The following NBEA variants were observed in gnomAD, a reference collection of about 807,000 sequenced individuals.
The protein encoded by NBEA is neurobeachin.
A neutral mutation model predicts 343.4 loss-of-function variants in NBEA; 44 were observed. The observed-to-expected ratio is 0.13, with a 90% CI of 0.10 to 0.16. NBEA has a LOEUF of 0.16. Ranked by LOEUF, NBEA falls within the 10% of genes least tolerant of loss-of-function variation. The pLI, the probability that NBEA is intolerant of heterozygous loss-of-function variation, is 1.00. For synonymous variants in NBEA, 1,175 were observed against 1,238.7 expected, an observed-to-expected ratio of 0.95 and a Z score of 1.08; for missense variants, 2,555 against 3,631.3, an observed-to-expected ratio of 0.70 and a Z score of 7.62.
chr13:35,293,106 A>T (rs1334270093), intron 35 of NBEA, among the ~76,000 whole-genome samples: 1 of 152,092 alleles, frequency 6.6e-6, no homozygotes, highest in African/African-American at 2.4e-5. Flanking sequence ...TAAACTTACT[A>T]TTCCTAATAG....
chr13:35,551,211 A>T (rs2079308658), intron 43 of NBEA, among the ~76,000 whole-genome samples, 179 bp downstream of exon 43: 1 of 152,142 alleles, frequency 6.6e-6, no homozygotes, highest in Non-Finnish European at 1.5e-5. Flanking sequence ...GAATGACAGA[A>T]TGGTTAGGGC....
intron 38 of NBEA, among the ~76,000 whole-genome samples, chr13:35,396,501 A>T (rs569998034): frequency 6.6e-6 from 1 of 152,200 alleles, no homozygotes; most frequent in Non-Finnish European, 1.5e-5. Flanking sequence ...TTCAGTTTAC[A>T]TAGAGTTAAT....
chr13:35,365,038 T>C (rs1186601323), intron 38 of NBEA, among the ~76,000 whole-genome samples: 1 of 151,718 alleles, frequency 6.6e-6, no homozygotes, highest in Admixed American at 6.6e-5. Flanking sequence ...TCAATAATGA[T>C]TGGATGGGTC....
rs950706799 is a variant in NBEA, at chr13:35,168,987, G to A, written c.4234G>A (p.Gly1412Ser). 13 of 1,488,186 alleles carry A rather than the reference G, an allele frequency of 8.7e-6. No individual in the cohort carries two copies. Among genetic ancestry groups the A allele is most frequent in the Admixed American group, 8.1e-5 (4 of 49,226 alleles). 92.2% of individuals were successfully genotyped at this position (1,488,186 alleles called of 1,614,324 possible). A position where few individuals can be genotyped will look rare whatever the true frequency, so the allele number is the denominator to read the frequency against. Residue 1412 changes from glycine (G) to serine (S), a missense_variant and splice_region_variant, in exon 25 of 59, where the codon GGT becomes AGT. Physicochemically the swap from Gly to Ser is moderately conservative, Grantham distance 56 (BLOSUM62 0). Coordinates refer to ENST00000379939, the MANE Select transcript of NBEA (RefSeq NM_001385012.1). The part of the protein sequence containing the change: ...PLLSAATSPT[G>S]SKTELENIEV... ...TCTGTTTTGTCTAATGCATGTCCAG[G>A]GTTCTAAGGTTAGTATTACTTTTGT... is the stretch of plus-strand genomic sequence containing the variant.
At position 35,222,786 on chromosome 13, in the gene NBEA, C is replaced by T. The variant is rs887589783; in HGVS notation, c.5649-9706C>T. 4.6e-5 allele frequency among the ~76,000 whole-genome samples: 7 copies of T among 152,132 alleles called. No homozygotes were observed. In the East Asian group the frequency reaches 1.3e-3, roughly 29 times the overall value. On this transcript the variant is annotated intron_variant, in intron 33 of 58. Transcript: ENST00000379939. Reference sequence around the variant, plus strand: ...CAGTTTACTCCTAATTCCTCTTTCACATCCTTAGTGTTAATGTTGTCATAC... The same window carrying T: ...CAGTTTACTCCTAATTCCTCTTTCATATCCTTAGTGTTAATGTTGTCATAC...
At chr13:35,493,069 CTA>C (rs1362310799) in intron 41 of NBEA, among the ~76,000 whole-genome samples, 4 of 151,792 alleles carry the variant, frequency 2.6e-5, no homozygotes, top group African/African-American at 9.7e-5. Context: ...AATAGATTGT[CTA>C]TATGAATACT....
At chr13:35,289,082 A>G (rs2035627988) in intron 34 of NBEA, among the ~76,000 whole-genome samples, 1 of 151,924 alleles carries the variant, frequency 6.6e-6, no homozygotes, top group Admixed American at 6.6e-5. Flanking sequence ...AAATGGGCAC[A>G]AAAGAGTATT....
rs934396139 is a variant in NBEA at position 35,481,057 on chromosome 13, C to G, written c.6585+8521C>G. ...TCTTCAACTAGAACATTTTGAGAATCGTGGTTAATTTTTTAGAATTGTTTA... is the reference window on the plus strand; with the variant it reads ...TCTTCAACTAGAACATTTTGAGAATGGTGGTTAATTTTTTAGAATTGTTTA... On this transcript the variant is annotated intron_variant, in intron 41 of 58. Transcript: ENST00000379939. Among the ~76,000 whole-genome samples, 10 of 152,028 alleles carry G rather than the reference C, an allele frequency of 6.6e-5. No homozygotes were observed. The South Asian group carries it at 1.7e-3, about 25-fold the overall frequency.
chr13:35,464,990 A>G (rs2047093043), intron 40 of NBEA, among the ~76,000 whole-genome samples: 1 of 152,206 alleles, frequency 6.6e-6, no homozygotes, highest in East Asian at 1.9e-4. Context: ...GTTATACACT[A>G]GGAAAAATAC....
intron 17 of NBEA, among the ~76,000 whole-genome samples, chr13:35,126,224 G>C (rs1331689156): frequency 1.3e-5 from 2 of 152,082 alleles, no homozygotes; most frequent in African/African-American, 4.8e-5. Flanking sequence ...CCATCTTCCT[G>C]CCCTGTGAAG....
intron 41 of NBEA, among the ~76,000 whole-genome samples, chr13:35,516,329 A>T (rs530338778): frequency 6.6e-6 from 1 of 152,200 alleles, no homozygotes; most frequent in African/African-American, 2.4e-5. Context: ...TGTAATGTGT[A>T]TCATACACAG....
chr13:35,328,982 T>A (rs2038762697), intron 36 of NBEA, among the ~76,000 whole-genome samples: 1 of 151,778 alleles, frequency 6.6e-6, no homozygotes, highest in Non-Finnish European at 1.5e-5. Flanking sequence ...AAATAGAGAA[T>A]CCAGACCTTA....
chr13:35,163,943 A>G (rs1306584929), intron 23 of NBEA, among the ~76,000 whole-genome samples: 1 of 152,100 alleles, frequency 6.6e-6, no homozygotes, highest in Admixed American at 6.6e-5. Flanking sequence ...ATTTATGGTT[A>G]TGAAAATTTT....
At chr13:35,292,301 G>A (rs1351815979) in intron 35 of NBEA, among the ~76,000 whole-genome samples, 1 of 151,864 alleles carries the variant, frequency 6.6e-6, no homozygotes, top group African/African-American at 2.4e-5. Context: ...AAAATAATGT[G>A]CCATTTTTCT....
intron 18 of NBEA, among the ~76,000 whole-genome samples, chr13:35,145,526 C>G (rs959173641): frequency 6.6e-6 from 1 of 152,140 alleles, no homozygotes; most frequent in Non-Finnish European, 1.5e-5. Flanking sequence ...CGTGTGGCTT[C>G]CCTTTCTGGC....
chr13:35,130,818 A>G (rs2152685115), intron 17 of NBEA, among the ~76,000 whole-genome samples: 1 of 152,218 alleles, frequency 6.6e-6, no homozygotes, highest in South Asian at 2.1e-4. Flanking sequence ...AAACAGTGCA[A>G]TTAAACAAGA....
At chr13:35,314,873 T>A (rs2037616551) in intron 36 of NBEA, among the ~76,000 whole-genome samples, 1 of 152,216 alleles carries the variant, frequency 6.6e-6, no homozygotes, top group Admixed American at 6.5e-5. Context: ...TTTCTTTCAA[T>A]TTAGACTTTT....
At chr13:35,628,527 G>GT (rs1314224164) in intron 49 of NBEA, among the ~76,000 whole-genome samples, 1 of 151,972 alleles carries the variant, frequency 6.6e-6, no homozygotes, top group African/African-American at 2.4e-5. Flanking sequence ...AATGCTTTAC[G>GT]TATTTTAGTA....
intron 24 of NBEA, among the ~76,000 whole-genome samples, chr13:35,165,780 GT>G (rs1335951598): frequency 6.6e-6 from 1 of 151,498 alleles, no homozygotes; most frequent in Non-Finnish European, 1.5e-5. Context: ...CGCCTCCTGG[GT>G]TCAAGCAATT....
Sources: allele counts gnomAD v4.1 joint callset (sites outside exome capture counted in the v4.1 genomes callset), GRCh38; gene constraint gnomAD v4.1.1; transcripts MANE v1.5; gene names NCBI Gene and HGNC (gene_info 2026-07-23, HGNC 2026-07-21).